Variants in NTM observed in about 807,000 individuals in gnomAD.
The protein encoded by NTM is neurotrimin.
A neutral mutation model predicts 42.1 loss-of-function variants in NTM; 13 were observed. That is an observed-to-expected ratio of 0.31 (90% CI 0.20 to 0.49). The LOEUF (loss-of-function observed/expected upper bound fraction) is 0.49, where lower values mean the gene tolerates loss of function less well. Among genes scored for constraint, NTM ranks in the 20% least tolerant of loss-of-function variants. NTM has a pLI of 0.99. For synonymous variants in NTM, 187 were observed against 179.2 expected, an observed-to-expected ratio of 1.04 and a Z score of -0.35; for missense variants, 373 against 452.8, an observed-to-expected ratio of 0.82 and a Z score of 1.60.
At chr11:131,916,845 A>C (rs1325483350) in intron 2 of NTM, among the ~76,000 whole-genome samples, 1 of 152,192 alleles carries the variant, frequency 6.6e-6, no homozygotes, top group Non-Finnish European at 1.5e-5. Context: ...ACCCATAAAC[A>C]CAGCTTATTC....
At chr11:131,898,469 G>A (rs2052637015) in intron 1 of NTM, among the ~76,000 whole-genome samples, 1 of 152,100 alleles carries the variant, frequency 6.6e-6, no homozygotes, top group African/African-American at 2.4e-5. Flanking sequence ...CCCCTTTTCT[G>A]TTCTTTTGAA....
At chr11:131,375,974 CTT>C (rs1158182590) in intron 1 of NTM, among the ~76,000 whole-genome samples, 1 of 152,184 alleles carries the variant, frequency 6.6e-6, no homozygotes, top group Non-Finnish European at 1.5e-5. Flanking sequence ...TTCACCTTCT[CTT>C]TTTCTCTTTC....
intron 1 of NTM, among the ~76,000 whole-genome samples, chr11:131,788,715 TC>T (rs2089671190): frequency 6.6e-6 from 1 of 152,318 alleles, no homozygotes; most frequent in Non-Finnish European, 1.5e-5. Flanking sequence ...CCCACTTACC[TC>T]ACAGCAAATC....
chr11:132,177,759 G>A (rs948233693), intron 3 of NTM, among the ~76,000 whole-genome samples: 5 of 152,284 alleles, frequency 3.3e-5, no homozygotes, highest in African/African-American at 9.6e-5. Flanking sequence ...AGCCCCAATG[G>A]GGCATGGGGT....
chr11:131,604,145 C>T (rs2060720516), intron 1 of NTM, among the ~76,000 whole-genome samples: 1 of 152,198 alleles, frequency 6.6e-6, no homozygotes, highest in African/African-American at 2.4e-5. Flanking sequence ...GCCACATCAG[C>T]AGTGTGTGAG....
At chr11:131,486,601 A>C (rs188276313) in intron 1 of NTM, among the ~76,000 whole-genome samples, 1 of 152,310 alleles carries the variant, frequency 6.6e-6, no homozygotes, top group Admixed American at 6.5e-5. Context: ...AGGGATGTGA[A>C]ATAACTGAAC....
rs886738074 is a variant in NTM, at chr11:131,612,335, G to A, written c.82+241447G>A. 3.9e-5 allele frequency among the ~76,000 whole-genome samples: 6 copies of A among 152,208 alleles called. No homozygotes were observed. In the East Asian group the frequency reaches 1.2e-3, roughly 29 times the overall value. ...ACTGTGAGCAGTAGCAAAGTGTCAT[G>A]GTAGCTTAGGCTATGGCCTGCTTTG... On this transcript the variant is annotated intron_variant, in intron 1 of 8. Coordinates refer to ENST00000683400, the MANE Select transcript of NTM (RefSeq NM_001352005.2).
At chr11:131,905,769 A>G (rs982192585) in intron 1 of NTM, among the ~76,000 whole-genome samples, 3 of 151,902 alleles carry the variant, frequency 2.0e-5, no homozygotes, top group Non-Finnish European at 2.9e-5. Context: ...TCTCCCATTC[A>G]TTGCTTTCCC....
intron 1 of NTM, among the ~76,000 whole-genome samples, chr11:131,590,121 C>T (rs1049821373): frequency 4.6e-5 from 7 of 152,186 alleles, no homozygotes; most frequent in Non-Finnish European, 8.8e-5. Flanking sequence ...CAGCCCTCGA[C>T]CTTGCTGCTA....
chr11:131,575,478 G>A (rs1370529856), intron 1 of NTM, among the ~76,000 whole-genome samples: 1 of 151,986 alleles, frequency 6.6e-6, no homozygotes, highest in African/African-American at 2.4e-5. Context: ...CTTTCCAATA[G>A]GACATCTAAG....
At chr11:132,193,438 A>C (rs1207453738) in intron 3 of NTM, among the ~76,000 whole-genome samples, 5 of 152,136 alleles carry the variant, frequency 3.3e-5, no homozygotes, top group Non-Finnish European at 5.9e-5. Context: ...GTAAAAATAA[A>C]AAAATAAAAA....
intron 2 of NTM, among the ~76,000 whole-genome samples, chr11:132,050,450 A>G (rs991214142): frequency 6.6e-6 from 1 of 152,228 alleles, no homozygotes; most frequent in African/African-American, 2.4e-5. Flanking sequence ...GGGGCTGGGC[A>G]AATGATTTTT....
chr11:131,812,093 G>T (rs1031985740), intron 1 of NTM, among the ~76,000 whole-genome samples: 2 of 151,986 alleles, frequency 1.3e-5, no homozygotes, highest in African/African-American at 2.4e-5. Context: ...AAAGACCAGA[G>T]AACTGACTTT....
chr11:132,246,704 T>C (rs2091220859), intron 4 of NTM, among the ~76,000 whole-genome samples: 1 of 152,246 alleles, frequency 6.6e-6, no homozygotes, highest in Non-Finnish European at 1.5e-5. Context: ...GAAGAATAAC[T>C]TACCAAGTGA....
chr11:131,474,727 C>T (rs1221333880), intron 1 of NTM, among the ~76,000 whole-genome samples: 2 of 152,168 alleles, frequency 1.3e-5, no homozygotes, highest in Non-Finnish European at 2.9e-5. Context: ...CCCATCTTAT[C>T]ATTCCTGATA....
intron 1 of NTM, among the ~76,000 whole-genome samples, chr11:131,422,180 G>A (rs1947603544): frequency 6.7e-6 from 1 of 150,234 alleles, no homozygotes; most frequent in South Asian, 2.2e-4. Flanking sequence ...CTGATAGGCT[G>A]TTGCAGGGAT....
intron 8 of NTM, among the ~76,000 whole-genome samples, chr11:132,331,628 T>C (rs1337364273): frequency 6.6e-6 from 1 of 152,214 alleles, no homozygotes; most frequent in Non-Finnish European, 1.5e-5. Flanking sequence ...ATACAGACTC[T>C]GCTCTTAAGG....
rs1170506172 is a variant in NTM at position 131,878,633 on chromosome 11, A to G, written c.83-32931A>G. The stretch of plus-strand genomic sequence containing the variant: ...TATATATATATATATATATATATAT[A>G]TATATATAATGTCTTATGTTCATAC... On this transcript the variant is annotated intron_variant, in intron 1 of 8. Coordinates refer to ENST00000683400, the MANE Select transcript of NTM (RefSeq NM_001352005.2). 3.9e-5 allele frequency among the ~76,000 whole-genome samples: 5 copies of G among 127,228 alleles called. 1 individual carries two copies. Among genetic ancestry groups the G allele is most frequent in the African/African-American group, 1.2e-4 (4 of 32,794 alleles). 83.5% of individuals were successfully genotyped at this position (127,228 alleles called of 152,430 possible).
At chr11:132,188,837 A>G (rs980655358) in intron 3 of NTM, among the ~76,000 whole-genome samples, 8 of 152,308 alleles carry the variant, frequency 5.3e-5, no homozygotes, top group African/African-American at 1.7e-4. Context: ...ATAGCACTGC[A>G]CCCTGGGCTG....
Sources: allele counts gnomAD v4.1 joint callset (sites outside exome capture counted in the v4.1 genomes callset), GRCh38; gene constraint gnomAD v4.1.1; transcripts MANE v1.5; gene names NCBI Gene and HGNC (gene_info 2026-07-23, HGNC 2026-07-21).